LRBA: variants seen among roughly 807,000 people sequenced by gnomAD.
LRBA encodes the protein LPS responsive beige-like anchor protein.
A neutral mutation model predicts 330.0 loss-of-function variants in LRBA; 176 were observed. That is an observed-to-expected ratio of 0.53 (90% CI 0.47 to 0.60). The LOEUF (loss-of-function observed/expected upper bound fraction) is 0.60. LRBA is among the 20% of genes least tolerant of loss of function. LRBA has a pLI of 0.00. For synonymous variants in LRBA, 1,230 were observed against 1,193.0 expected, an observed-to-expected ratio of 1.03 and a Z score of -0.64; for missense variants, 3,259 against 3,444.8, an observed-to-expected ratio of 0.95 and a Z score of 1.35.
chr4:150,377,422 A>T (rs1470353274), intron 47 of LRBA, among the ~76,000 whole-genome samples: 1 of 152,244 alleles, frequency 6.6e-6, no homozygotes, highest in Non-Finnish European at 1.5e-5. Context: ...TCATAAAACT[A>T]TATCATTTGC....
At chr4:150,721,818 T>C (rs1728977497) in intron 36 of LRBA, among the ~76,000 whole-genome samples, 1 of 152,138 alleles carries the variant, frequency 6.6e-6, no homozygotes, top group African/African-American at 2.4e-5. Context: ...GGTTTCATCT[T>C]GTTGGCCAGG....
At chr4:150,330,895 G>C (rs933433151) in intron 48 of LRBA, among the ~76,000 whole-genome samples, 1 of 152,112 alleles carries the variant, frequency 6.6e-6, no homozygotes, top group Non-Finnish European at 1.5e-5. Context: ...TCTATGGTTG[G>C]ACTGGGGACA....
chr4:150,653,687 T>C (rs10010950), intron 37 of LRBA, among the ~76,000 whole-genome samples: 107,935 of 152,212 alleles, frequency 0.71, 45,065 homozygotes, highest in Non-Finnish European at 0.91. Flanking sequence ...GTTTTACAGA[T>C]ATTTCCAACA....
chr4:150,309,091 C>T (rs1406021478), intron 52 of LRBA, among the ~76,000 whole-genome samples: 1 of 152,044 alleles, frequency 6.6e-6, no homozygotes. Context: ...TACAGGTATG[C>T]CAGTTTTTAT....
chr4:150,740,540 T>A (rs1452170319), intron 35 of LRBA, among the ~76,000 whole-genome samples: 1 of 150,740 alleles, frequency 6.6e-6, no homozygotes, highest in Non-Finnish European at 1.5e-5. Flanking sequence ...AAAGTAAAAA[T>A]GGTTTTTAAA....
chr4:150,690,393 C>T (rs1051026643), intron 36 of LRBA, among the ~76,000 whole-genome samples: 3 of 151,544 alleles, frequency 2.0e-5, no homozygotes, highest in Non-Finnish European at 4.4e-5. Context: ...ATCCCAGGTA[C>T]TCAGGAGGCT....
chr4:150,417,151 A>G (rs1168560526), intron 46 of LRBA, among the ~76,000 whole-genome samples: 2 of 152,132 alleles, frequency 1.3e-5, no homozygotes, highest in African/African-American at 4.8e-5. Flanking sequence ...AAGAAACTCT[A>G]AACTTTTAGC....
rs1750682740 is a variant in LRBA at position 150,852,093 on chromosome 4, C to G, written c.3617G>C (p.Gly1206Ala). Residue 1206 changes from glycine to alanine, a missense_variant, in exon 23 of 57, where the codon GGT (glycine) becomes GCT (alanine). Transcript: ENST00000651943. ...TTTCTTCCCTTCCTCCAGCATCTGA[C>G]CAAGGTCTGATTCTACAGCTATTTG... The part of the protein sequence containing the change: ...VSQIAVESDL[G>A]QMLEEGKKAT... The G allele has an allele frequency of 1.2e-6, 2 of 1,613,996 alleles. No homozygotes were observed. Among genetic ancestry groups the G allele is most frequent in the Non-Finnish European group, 1.7e-6 (2 of 1,180,000 alleles).
chr4:150,785,317 T>C (rs1465723381), intron 34 of LRBA, among the ~76,000 whole-genome samples: 1 of 152,198 alleles, frequency 6.6e-6, no homozygotes, highest in Non-Finnish European at 1.5e-5. Context: ...AGGCCAATCA[T>C]AGGTTCACAG....
chr4:150,663,448 T>C (rs1781301217), intron 37 of LRBA, among the ~76,000 whole-genome samples: 1 of 151,852 alleles, frequency 6.6e-6, no homozygotes, highest in South Asian at 2.1e-4. Flanking sequence ...TCATATGATA[T>C]AAAAATACCA....
At chr4:150,537,217 G>A (rs1764753011) in intron 40 of LRBA, among the ~76,000 whole-genome samples, 3 of 152,142 alleles carry the variant, frequency 2.0e-5, no homozygotes, top group African/African-American at 7.2e-5. Flanking sequence ...ACAAAGATAA[G>A]CAATGGCGAA....
intron 40 of LRBA, among the ~76,000 whole-genome samples, chr4:150,504,125 CTGAAAG>C (rs1760704267): frequency 6.6e-6 from 1 of 152,160 alleles, no homozygotes; most frequent in African/African-American, 2.4e-5. Context: ...ACTGGTGTAC[CTGAAAG>C]TGATGGGCAG....
intron 40 of LRBA, chr4:150,581,784 G>C (rs1356944938): frequency 6.6e-6 from 1 of 152,388 alleles, no homozygotes; most frequent in African/African-American, 2.4e-5. Context: ...GGCTGCTACC[G>C]TTCGCCAAGC....
intron 40 of LRBA, among the ~76,000 whole-genome samples, chr4:150,500,284 C>G (rs554411521): frequency 6.6e-6 from 1 of 150,826 alleles, no homozygotes; most frequent in African/African-American, 2.4e-5. Context: ...AAAAAAAAAT[C>G]CCCCCTTGGG....
At chr4:150,997,144 A>G (rs534486012) in intron 2 of LRBA, among the ~76,000 whole-genome samples, 45 of 152,336 alleles carry the variant, frequency 3.0e-4, no homozygotes, top group Non-Finnish European at 6.0e-4. Context: ...CTGTTCTCAC[A>G]CAGTGCATTC....
chr4:150,799,175 G>A (rs747651927), intron 33 of LRBA, among the ~76,000 whole-genome samples: 11 of 151,974 alleles, frequency 7.2e-5, no homozygotes, highest in Non-Finnish European at 1.5e-4. Context: ...CACCCCCTTC[G>A]TTTTTTAAAA....
chr4:150,595,316 A>G (rs1027130387), intron 38 of LRBA, among the ~76,000 whole-genome samples: 2 of 151,966 alleles, frequency 1.3e-5, no homozygotes, highest in African/African-American at 4.8e-5. Context: ...AATTTTAGAT[A>G]GAGAACCTAG....
At chr4:150,399,525 C>A (rs1049641668) in intron 47 of LRBA, among the ~76,000 whole-genome samples, 4 of 152,120 alleles carry the variant, frequency 2.6e-5, no homozygotes. Flanking sequence ...GGTCCTCAAG[C>A]GGCTCAACAT....
Position 150,725,341 on chromosome 4 carries a change from A to C in LRBA, c.5754+9917T>G, listed in dbSNP as rs1034820240. Among the ~76,000 whole-genome samples, 5 of 152,322 alleles carry C rather than the reference A, an allele frequency of 3.3e-5. No individual in the cohort carries two copies. In the East Asian group the frequency reaches 5.8e-4, roughly 18 times the overall value. ...ATAAAGAAAGGATCCTAAATGCAGC[A>C]AGAGAAAAGAAATCACATACAATGG... On this transcript the variant is annotated intron_variant, in intron 36 of 56. Coordinates refer to ENST00000651943, the MANE Select transcript of LRBA (RefSeq NM_001364905.1).
Sources: allele counts gnomAD v4.1 joint callset (sites outside exome capture counted in the v4.1 genomes callset), GRCh38; gene constraint gnomAD v4.1.1; transcripts MANE v1.5; gene names NCBI Gene and HGNC (gene_info 2026-07-23, HGNC 2026-07-21).